Variants in SYN3 observed in about 807,000 individuals in gnomAD.
The protein encoded by SYN3 is synapsin-3.
Under a neutral mutation model 65.8 loss-of-function variants are expected in SYN3, and 35 were observed. That is an observed-to-expected ratio of 0.53 (90% CI 0.41 to 0.70). The LOEUF (loss-of-function observed/expected upper bound fraction) is 0.70, where lower values mean the gene tolerates loss of function less well. Among genes scored for constraint, SYN3 ranks in the 30% least tolerant of loss-of-function variants. The pLI, the probability that SYN3 is intolerant of heterozygous loss-of-function variation, is 0.00. For synonymous variants in SYN3, 270 were observed against 292.9 expected (o/e 0.92, Z 0.80); for missense variants, 680 against 749.0 (o/e 0.91, Z 1.08).
At chr22:32,553,024 G>A (rs1237095796) in intron 7 of SYN3, among the ~76,000 whole-genome samples, 1 of 152,180 alleles carries the variant, frequency 6.6e-6, no homozygotes, top group East Asian at 1.9e-4. Context: ...GCTGCCTTCT[G>A]GCTGTGTCCT....
intron 6 of SYN3, among the ~76,000 whole-genome samples, chr22:32,651,629 A>G (rs1322435472): frequency 6.6e-6 from 1 of 152,108 alleles, no homozygotes; most frequent in Non-Finnish European, 1.5e-5. Flanking sequence ...GCTCAGATAT[A>G]CATCAACTCA....
At chr22:32,934,729 C>T (rs937994173) in intron 3 of SYN3, among the ~76,000 whole-genome samples, 2 of 152,200 alleles carry the variant, frequency 1.3e-5, no homozygotes, top group African/African-American at 4.8e-5. Flanking sequence ...CCTCTGATAC[C>T]TGTGAATGTG....
At chr22:32,859,140 T>C (rs765612058) in intron 6 of SYN3, 68 of 1,605,244 alleles carry the variant, frequency 4.2e-5, no homozygotes, top group Non-Finnish European at 5.5e-5. Flanking sequence ...GGGCATACCA[T>C]GGCAGAGTCC....
chr22:32,769,571 C>G (rs889584603), intron 6 of SYN3, among the ~76,000 whole-genome samples: 4 of 148,550 alleles, frequency 2.7e-5, no homozygotes, highest in Non-Finnish European at 4.4e-5. Context: ...GGCTGGAGTA[C>G]AGTGGCGCGA....
intron 6 of SYN3, among the ~76,000 whole-genome samples, chr22:32,844,859 C>G (rs563947345): frequency 2.0e-5 from 3 of 151,916 alleles, no homozygotes; most frequent in Non-Finnish European, 4.4e-5. Flanking sequence ...TACAGATACA[C>G]GGCACCATGC....
At chr22:32,705,362 T>G (rs1389398292) in intron 6 of SYN3, among the ~76,000 whole-genome samples, 1 of 152,204 alleles carries the variant, frequency 6.6e-6, no homozygotes, top group Admixed American at 6.5e-5. Context: ...ATCAGATGGT[T>G]ATAGGTGCAT....
chr22:32,710,055 G>A, intron 6 of SYN3, among the ~76,000 whole-genome samples: 1 of 142,116 alleles, frequency 7.0e-6, no homozygotes, highest in Admixed American at 7.0e-5. Flanking sequence ...CTAAGTCAAA[G>A]AATATGTATA....
intron 4 of SYN3, among the ~76,000 whole-genome samples, chr22:32,901,376 T>C (rs949432570): frequency 2.0e-5 from 3 of 152,202 alleles, no homozygotes; most frequent in Admixed American, 2.0e-4. Context: ...AAGTATATAG[T>C]ACAGTGTCTG....
At chr22:33,014,698 T>C (rs2053427009) in intron 1 of SYN3, among the ~76,000 whole-genome samples, 1 of 152,086 alleles carries the variant, frequency 6.6e-6, no homozygotes, top group Admixed American at 6.5e-5. Flanking sequence ...GAGAATCGCT[T>C]GAACCCGGGA....
At chr22:32,757,881 C>T (rs545101709) in intron 6 of SYN3, among the ~76,000 whole-genome samples, 2 of 152,288 alleles carry the variant, frequency 1.3e-5, no homozygotes, top group South Asian at 2.1e-4. Context: ...AAAAAAACCA[C>T]GACCTGCTGA....
intron 4 of SYN3, among the ~76,000 whole-genome samples, chr22:32,923,062 G>T (rs2050375552): frequency 6.6e-6 from 1 of 152,224 alleles, no homozygotes; most frequent in Non-Finnish European, 1.5e-5. Flanking sequence ...CTGGCTGTGA[G>T]CTGGAGAACC....
At chr22:32,652,787 G>C (rs534397120) in intron 6 of SYN3, among the ~76,000 whole-genome samples, 2 of 152,252 alleles carry the variant, frequency 1.3e-5, no homozygotes, top group East Asian at 3.9e-4. Flanking sequence ...CCTAGTTAGC[G>C]GCAGAGAGGA....
Position 32,874,923 on chromosome 22 carries a change from A to G in SYN3, c.462-5798T>C, listed in dbSNP as rs145155628. ...GACAAAGGGAACCGAGTAAACCAGC[A>G]AATGGGGAGGGGGAATTCAAAACAT... On this transcript the variant is annotated intron_variant, in intron 4 of 13. Transcript: ENST00000358763. 1.6e-4 allele frequency among the ~76,000 whole-genome samples: 25 copies of G among 152,342 alleles called. No individual in the cohort carries two copies. In the East Asian group the frequency reaches 4.6e-3, roughly 28 times the overall value.
chr22:33,013,485 ATG>A (rs1178241639), intron 1 of SYN3, among the ~76,000 whole-genome samples: 1 of 152,198 alleles, frequency 6.6e-6, no homozygotes, highest in African/African-American at 2.4e-5. Context: ...ATGTTTTGCT[ATG>A]TTTACATTGT....
intron 10 of SYN3, among the ~76,000 whole-genome samples, chr22:32,531,803 G>C (rs1284258078): frequency 2.1e-4 from 10 of 48,142 alleles, no homozygotes; most frequent in Non-Finnish European, 4.4e-4. Flanking sequence ...ATGTTTCTGC[G>C]AGGAAAAAAA....
chr22:32,847,462 C>T (rs539033976), intron 6 of SYN3, among the ~76,000 whole-genome samples: 5 of 152,266 alleles, frequency 3.3e-5, no homozygotes, highest in African/African-American at 1.2e-4. Context: ...GTTTTGCCAT[C>T]GCCGGCAGGG....
chr22:32,856,608 A>G (rs1041709402), intron 6 of SYN3, among the ~76,000 whole-genome samples: 3 of 152,240 alleles, frequency 2.0e-5, no homozygotes, highest in Non-Finnish European at 4.4e-5. Flanking sequence ...ATAGTAATCA[A>G]ATCAGGGTAA....
At chr22:32,676,144 G>A (rs1378837711) in intron 6 of SYN3, among the ~76,000 whole-genome samples, 1 of 152,214 alleles carries the variant, frequency 6.6e-6, no homozygotes, top group Non-Finnish European at 1.5e-5. Context: ...CTGCCCTTGA[G>A]CACGCATATT....
At chr22:32,767,180 C>T (rs2045649251) in intron 6 of SYN3, among the ~76,000 whole-genome samples, 1 of 152,188 alleles carries the variant, frequency 6.6e-6, no homozygotes, top group Non-Finnish European at 1.5e-5. Context: ...AACTCCTTTT[C>T]CTCTGCCCAC....
Sources: allele counts gnomAD v4.1 joint callset (sites outside exome capture counted in the v4.1 genomes callset), GRCh38; gene constraint gnomAD v4.1.1; transcripts MANE v1.5; gene names NCBI Gene and HGNC (gene_info 2026-07-23, HGNC 2026-07-21).